Variants in RAP1GAP2 observed in about 807,000 individuals in gnomAD.
RAP1GAP2 encodes the protein RAP1 GTPase activating protein 2.
Under a neutral mutation model 95.0 loss-of-function variants are expected in RAP1GAP2, and 27 were observed. The observed-to-expected ratio is 0.28, with a 90% CI of 0.21 to 0.39. The LOEUF (loss-of-function observed/expected upper bound fraction) is 0.39, where lower values mean the gene tolerates loss of function less well. Ranked by LOEUF, RAP1GAP2 falls within the 10% of genes least tolerant of loss-of-function variation. The probability of loss-of-function intolerance (pLI) is 1.00; values close to 1 mark genes in which losing one functional copy is unlikely to be tolerated. For synonymous variants in RAP1GAP2, 373 were observed against 380.9 expected, an observed-to-expected ratio of 0.98 and a Z score of 0.24; for missense variants, 771 against 970.0, an observed-to-expected ratio of 0.79 and a Z score of 2.72.
chr17:2,907,116 A>G (rs1035861803), intron 3 of RAP1GAP2, among the ~76,000 whole-genome samples: 1 of 152,134 alleles, frequency 6.6e-6, no homozygotes, highest in Non-Finnish European at 1.5e-5. Flanking sequence ...TAGTTCTAAC[A>G]AAGTCCCAGG....
rs751937599 is a variant in RAP1GAP2 at position 2,800,606 on chromosome 17, G to A, written c.80+56G>A. 1.6e-4 allele frequency: 253 copies of A among 1,569,120 alleles called. No individual in the cohort carries two copies. The Middle Eastern group carries it at 2.5e-3, about 15-fold the overall frequency. ...CAGAGATGACGCGGATCAGAGCGCC[G>A]GGCCCTTGCTCCCCCCAGGTTGTGG... On this transcript the variant is annotated intron_variant, in intron 2 of 24. Coordinates refer to ENST00000254695, the MANE Select transcript of RAP1GAP2 (RefSeq NM_015085.5).
chr17:2,888,817 A>ATT (rs58533003), intron 2 of RAP1GAP2, among the ~76,000 whole-genome samples: 2 of 130,492 alleles, frequency 1.5e-5, no homozygotes, highest in South Asian at 2.5e-4. Flanking sequence ...CGCCCAGCTA[A>ATT]TTTTTTTTTT....
rs530785687 is a variant in RAP1GAP2, at chr17:2,852,521, C to T, written c.80+51971C>T. ...CCTCGAATTCGTTTGCAGTCCCTCT[C>T]CCCTCTCCACCCAGCATGGTCCCCT... On this transcript the variant is annotated intron_variant, in intron 2 of 24. Coordinates refer to ENST00000254695, the MANE Select transcript of RAP1GAP2 (RefSeq NM_015085.5). Among the ~76,000 whole-genome samples the T allele has an allele frequency of 3.3e-5, 5 of 152,316 alleles. No individual in the cohort carries two copies. In the South Asian group the frequency reaches 1.0e-3, roughly 32 times the overall value.
At chr17:3,026,893 G>A in intron 21 of RAP1GAP2, 51 bp from the exon 22 acceptor site, 1 of 1,531,790 alleles carries the variant, frequency 6.5e-7, no homozygotes, top group Admixed American at 2.0e-5. Flanking sequence ...GCCTGCGTGG[G>A]CGCAGCTGCC....
At chr17:2,948,831 G>GA (rs1177621358) in intron 3 of RAP1GAP2, among the ~76,000 whole-genome samples, 1 of 152,190 alleles carries the variant, frequency 6.6e-6, no homozygotes, top group Non-Finnish European at 1.5e-5. Context: ...GTGAGATGGA[G>GA]AGAGGGGGTC....
intron 17 of RAP1GAP2, among the ~76,000 whole-genome samples, chr17:3,012,901 A>G (rs1169552420): frequency 6.6e-6 from 1 of 152,194 alleles, no homozygotes; most frequent in Admixed American, 6.5e-5. Flanking sequence ...CCGTAATGCA[A>G]TGAAAAGTGA....
At chr17:2,771,338 C>T (rs1002521995) in intron 2 of RAP1GAP2, among the ~76,000 whole-genome samples, 1 of 152,112 alleles carries the variant, frequency 6.6e-6, no homozygotes. Flanking sequence ...GCCCACTCTT[C>T]CCCCAGCACT....
intron 2 of RAP1GAP2, among the ~76,000 whole-genome samples, chr17:2,840,764 G>A: frequency 6.6e-6 from 1 of 152,174 alleles, no homozygotes; most frequent in African/African-American, 2.4e-5. Context: ...TTGGGAGGCT[G>A]AAGTGAGTGG....
At chr17:2,954,649 A>G (rs955149643) in intron 3 of RAP1GAP2, among the ~76,000 whole-genome samples, 14 of 151,904 alleles carry the variant, frequency 9.2e-5, no homozygotes, top group African/African-American at 3.1e-4. Flanking sequence ...GCTGGAGTGC[A>G]ATGGTGCGAT....
intron 3 of RAP1GAP2, among the ~76,000 whole-genome samples, chr17:2,918,375 G>T (rs139180632): frequency 0.022 from 3,279 of 148,034 alleles, 120 homozygotes; most frequent in African/African-American, 0.077. Flanking sequence ...GGAGGTTGCA[G>T]TGAGTCGACA....
chr17:2,995,905 T>G (rs1036779398), intron 13 of RAP1GAP2, among the ~76,000 whole-genome samples: 1 of 152,216 alleles, frequency 6.6e-6, no homozygotes, highest in Non-Finnish European at 1.5e-5. Context: ...TGTGCCACTT[T>G]GGAGCGTGTG....
Position 3,026,971 on chromosome 17 carries a change from TTCAA to T in RAP1GAP2, c.2009_2012del (p.Phe670CysfsTer27). ...CAGCCAGCCGTCCACGACCTCACCCTTCAAGCAGGAGGTGTTTGTCTACAGCCCG... is the reference window on the plus strand; with the variant it reads ...CAGCCAGCCGTCCACGACCTCACCCTGCAGGAGGTGTTTGTCTACAGCCCG... On this transcript the variant is annotated frameshift_variant, in exon 22 of 25. Coordinates refer to ENST00000254695, the MANE Select transcript of RAP1GAP2 (RefSeq NM_015085.5). LOFTEE classifies it high-confidence loss of function. 2.6e-6 allele frequency: 4 copies of T among 1,553,928 alleles called. No individual in the cohort carries two copies. The highest frequency in any genetic ancestry group is 3.5e-6 in the Non-Finnish European group (4 of 1,148,406).
At chr17:3,007,117 C>T (rs1371327581) in intron 16 of RAP1GAP2, among the ~76,000 whole-genome samples, 3 of 152,112 alleles carry the variant, frequency 2.0e-5, no homozygotes, top group Admixed American at 1.3e-4. Context: ...CAGAGCCTGA[C>T]GTCAGGAGGG....
At chr17:2,838,589 A>G (rs1226673391) in intron 2 of RAP1GAP2, among the ~76,000 whole-genome samples, 1 of 152,124 alleles carries the variant, frequency 6.6e-6, no homozygotes, top group Non-Finnish European at 1.5e-5. Flanking sequence ...GGGGCAGAAC[A>G]CTGTCCCACT....
chr17:2,905,330 C>T lies in RAP1GAP2; in HGVS notation c.127C>T (p.Pro43Ser). 1 of 1,613,842 alleles carries T rather than the reference C, an allele frequency of 6.2e-7. No individual in the cohort carries two copies. The highest frequency in any genetic ancestry group is 1.1e-5 in the South Asian group (1 of 91,080). Residue 43 changes from proline to serine, a missense_variant, in exon 3 of 25, where the codon CCG becomes TCG. By Grantham distance (74) the Pro-to-Ser change is moderately conservative. Coordinates refer to ENST00000254695, the MANE Select transcript of RAP1GAP2 (RefSeq NM_015085.5). Reference protein sequence around the residue: ...NSSDATLPDRPLSPPLTAPPT... With the variant: ...NSSDATLPDRSLSPPLTAPPT... The stretch of plus-strand genomic sequence containing the variant: ...CTCGGATGCGACCCTCCCAGACCGG[C>T]CGCTCTCCCCTCCTCTCACGGCACC...
chr17:2,897,603 G>T (rs2041879370), intron 2 of RAP1GAP2, among the ~76,000 whole-genome samples: 1 of 151,840 alleles, frequency 6.6e-6, no homozygotes, highest in Non-Finnish European at 1.5e-5. Flanking sequence ...CAAGTGATCT[G>T]CCCACCTCAG....
chr17:2,780,846 T>C (rs1296420027), intron 1 of RAP1GAP2, among the ~76,000 whole-genome samples: 2 of 152,254 alleles, frequency 1.3e-5, no homozygotes, highest in African/African-American at 2.4e-5. Flanking sequence ...TGGATGATAC[T>C]CTTCTTGTCC....
In RAP1GAP2 at chr17:2,866,868, G is replaced by A. The variant is rs2151631366; in HGVS notation, c.81-38416G>A. 6.6e-6 allele frequency among the ~76,000 whole-genome samples: 1 copy of A among 151,290 alleles called. No individual in the cohort carries two copies. Among genetic ancestry groups the A allele is most frequent in the East Asian group, 2.0e-4 (1 of 5,112 alleles). On this transcript the variant is annotated intron_variant, in intron 2 of 24. Transcript: ENST00000254695. This position sits in a 1 kb window ranked among gnomAD's most constrained non-coding sequence, Gnocchi z 4.0. ...GCCTGTCTTGGCCTCCCAAAGTGCT[G>A]GGATTACAGGTGTGAGCCACTGCAC...
At chr17:2,927,223 G>T (rs1050168023) in intron 3 of RAP1GAP2, among the ~76,000 whole-genome samples, 3 of 150,832 alleles carry the variant, frequency 2.0e-5, no homozygotes, top group Non-Finnish European at 4.4e-5. Flanking sequence ...GCGCGATCTC[G>T]GCTCACTGCA....
Sources: gnomAD v4.1 joint callset for allele counts (sites outside exome capture counted in the v4.1 genomes callset) on GRCh38, gnomAD v4.1.1 for gene constraint, Gnocchi (gnomAD v3.1) non-coding constraint, MANE v1.5 for transcripts, NCBI Gene and HGNC (gene_info 2026-07-23, HGNC 2026-07-21) for gene names.